NFKB1: variants seen among roughly 807,000 people sequenced by gnomAD.
NFKB1 encodes nuclear factor kappa B subunit 1.
NFKB1 carries 9 observed loss-of-function variants against 105.1 expected under a neutral mutation model. The observed-to-expected ratio is 0.09, with a 90% CI of 0.05 to 0.15. NFKB1 has a LOEUF of 0.15. Ranked by LOEUF, NFKB1 falls within the 10% of genes least tolerant of loss-of-function variation. The pLI is 1.00. For synonymous variants in NFKB1, 440 were observed against 442.2 expected, an observed-to-expected ratio of 1.00 and a Z score of 0.06; for missense variants, 830 against 1,203.7, an observed-to-expected ratio of 0.69 and a Z score of 4.59.
intron 1 of NFKB1, among the ~76,000 whole-genome samples, chr4:102,505,514 T>C (rs1739363718): frequency 1.3e-5 from 2 of 152,194 alleles, no homozygotes; most frequent in Admixed American, 6.5e-5. Context: ...AATTGCCTTA[T>C]TATTTTTCAT....
intron 5 of NFKB1, among the ~76,000 whole-genome samples, chr4:102,545,598 A>G (rs1722076405): frequency 6.6e-6 from 1 of 152,134 alleles, no homozygotes. Context: ...CCATTGTGGA[A>G]TACCATTCAT....
At chr4:102,608,530 G>A (rs970624203) in intron 19 of NFKB1, among the ~76,000 whole-genome samples, 5 of 152,158 alleles carry the variant, frequency 3.3e-5, no homozygotes, top group Non-Finnish European at 7.3e-5. Flanking sequence ...CTCTAGTCCT[G>A]TGAAGTATAG....
At chr4:102,559,037 G>A (rs1307751666) in intron 5 of NFKB1, among the ~76,000 whole-genome samples, 1 of 152,092 alleles carries the variant, frequency 6.6e-6, no homozygotes, top group Non-Finnish European at 1.5e-5. Context: ...AAATATACAG[G>A]TATACAGATG....
At chr4:102,559,386 A>G (rs148675516) in intron 5 of NFKB1, among the ~76,000 whole-genome samples, 2 of 152,146 alleles carry the variant, frequency 1.3e-5, no homozygotes, top group African/African-American at 4.8e-5. Context: ...TGAAGGAGTG[A>G]TAAGACATGG....
intron 3 of NFKB1, among the ~76,000 whole-genome samples, chr4:102,533,274 T>C (rs1197549482): frequency 6.6e-6 from 1 of 152,082 alleles, no homozygotes; most frequent in African/African-American, 2.4e-5. Context: ...AGGCAGTACT[T>C]TCCCTTCAAG....
chr4:102,502,039 TTCAC>T (rs532875728), intron 1 of NFKB1: 285 of 152,478 alleles, frequency 1.9e-3, no homozygotes, highest in Middle Eastern at 3.4e-3. Context: ...GTCATTTCTC[TTCAC>T]GTCCCTCCGC....
intron 15 of NFKB1, among the ~76,000 whole-genome samples, chr4:102,598,086 A>G (rs1726790985): frequency 6.6e-6 from 1 of 152,220 alleles, no homozygotes; most frequent in African/African-American, 2.4e-5. Context: ...AACAACAGAA[A>G]GATTAAGAGG....
intron 11 of NFKB1, among the ~76,000 whole-genome samples, chr4:102,586,963 G>T (rs1167119629): frequency 6.6e-6 from 1 of 152,230 alleles, no homozygotes; most frequent in African/African-American, 2.4e-5. Context: ...ACAAGTTCTT[G>T]TTTCTTTTCT....
chr4:102,515,463 A>G (rs1740110788), intron 1 of NFKB1, among the ~76,000 whole-genome samples: 1 of 152,030 alleles, frequency 6.6e-6, no homozygotes, highest in African/African-American at 2.4e-5. Context: ...CTTGGTAATT[A>G]ATTATCTATT....
Position 102,555,620 on chromosome 4 carries a change from G to A in NFKB1, c.259-11367G>A, listed in dbSNP as rs564790527. Among the ~76,000 whole-genome samples, 14 of 152,312 alleles carry A rather than the reference G, an allele frequency of 9.2e-5. 2 individuals carry two copies. In the South Asian group the frequency reaches 2.5e-3, roughly 27 times the overall value. ...TTATAGAAGGATTCAAGGGAGAGAT[G>A]TATGAAAGCATAGATCTAACGAGAG... On this transcript the variant is annotated intron_variant, in intron 5 of 23. Transcript: ENST00000226574.
chr4:102,535,987 G>A (rs958037165), intron 4 of NFKB1, among the ~76,000 whole-genome samples: 9 of 151,558 alleles, frequency 5.9e-5, no homozygotes, highest in Non-Finnish European at 1.0e-4. Flanking sequence ...ATGAGTCATA[G>A]CATAGACTAC....
chr4:102,614,615 C>T, intron 23 of NFKB1, among the ~76,000 whole-genome samples: 1 of 152,120 alleles, frequency 6.6e-6, no homozygotes, highest in East Asian at 1.9e-4. Flanking sequence ...ACCGCTCCAC[C>T]AGGCCTGCTG....
intron 4 of NFKB1, among the ~76,000 whole-genome samples, chr4:102,537,126 A>G (rs886613044): frequency 6.6e-6 from 1 of 152,172 alleles, no homozygotes; most frequent in Non-Finnish European, 1.5e-5. Context: ...TTAGGTGTTT[A>G]TCAGCCCACA....
chr4:102,529,409 A>G (rs549503929), intron 2 of NFKB1, among the ~76,000 whole-genome samples: 1 of 152,216 alleles, frequency 6.6e-6, no homozygotes, highest in African/African-American at 2.4e-5. Flanking sequence ...ATTTACCACC[A>G]TAGAGGAAAT....
chr4:102,592,171 G>GAGAT (rs1382547507), intron 11 of NFKB1, among the ~76,000 whole-genome samples: 2 of 152,198 alleles, frequency 1.3e-5, no homozygotes, highest in African/African-American at 4.8e-5. Flanking sequence ...GTAGTTTCTT[G>GAGAT]AGATAGAATC....
At position 102,556,978 on chromosome 4, in the gene NFKB1, G is replaced by A. The variant is rs1723033790; in HGVS notation, c.259-10009G>A. The A allele has an allele frequency of 2.0e-5, 3 of 152,280 alleles. No individual in the cohort carries two copies. The South Asian group carries it at 6.2e-4, about 32-fold the overall frequency. The allele number at this position is 152,280 out of a possible 1,614,324, so 9.4% of individuals were successfully genotyped here. A position where few individuals can be genotyped will look rare whatever the true frequency, so the allele number is the denominator to read the frequency against. On this transcript the variant is annotated intron_variant, in intron 5 of 23. Coordinates refer to ENST00000226574, the MANE Select transcript of NFKB1 (RefSeq NM_003998.4). ...TCCTTTGGAAGAGAGAAAGAGAAGG[G>A]TAATTCAAGAAGATCAGGAATAAAC...
chr4:102,503,626 T>C (rs1392483070), intron 1 of NFKB1: 1 of 152,154 alleles, frequency 6.6e-6, no homozygotes, highest in East Asian at 1.9e-4. Flanking sequence ...AGATAGTAAA[T>C]ACTGGGGGTA....
At chr4:102,573,973 A>G (rs1724597681) in intron 6 of NFKB1, among the ~76,000 whole-genome samples, 1 of 151,994 alleles carries the variant, frequency 6.6e-6, no homozygotes, top group Admixed American at 6.5e-5. Context: ...ATAGCTATTC[A>G]ATGTACTTGT....
chr4:102,526,766 A>C (rs1245478282), intron 2 of NFKB1, among the ~76,000 whole-genome samples: 1 of 152,164 alleles, frequency 6.6e-6, no homozygotes, highest in Non-Finnish European at 1.5e-5. Context: ...TCATTATATT[A>C]GTAGTTATGA....
Sources: allele counts gnomAD v4.1 joint callset (sites outside exome capture counted in the v4.1 genomes callset), GRCh38; gene constraint gnomAD v4.1.1; transcripts MANE v1.5; gene names NCBI Gene and HGNC (gene_info 2026-07-23, HGNC 2026-07-21).